Variants in USP9Y observed in about 807,000 individuals in gnomAD.
USP9Y encodes ubiquitin carboxyl-terminal hydrolase 9Y.
USP9Y carries 41 observed loss-of-function variants against 53.1 expected under a neutral mutation model. That is an observed-to-expected ratio of 0.77 (90% confidence interval 0.60 to 1.00). The LOEUF (loss-of-function observed/expected upper bound fraction) is 1.00. USP9Y is among the 50% of genes least tolerant of loss of function. The pLI, the probability that USP9Y is intolerant of heterozygous loss-of-function variation, is 0.00. For missense variants in USP9Y, 567 were observed against 535.8 expected (o/e 1.06, Z -0.58); for synonymous variants, 220 against 173.7 (o/e 1.27, Z -2.09).
chrY:12,729,597 C>T (rs561352449), intron 7 of USP9Y, among the ~76,000 whole-genome samples: 2 of 32,188 alleles, frequency 6.2e-5, no homozygotes, highest in African/African-American at 2.4e-4. Flanking sequence ...TGTGGCACCA[C>T]GCCCAGCTAA....
In USP9Y at chrY:12,839,901, C is replaced by G; in HGVS notation, c.5375C>G (p.Pro1792Arg). Residue 1792 changes from proline (P) to arginine (R), a missense_variant, in exon 36 of 46, where the codon CCT becomes CGT. By Grantham distance (103) the Pro-to-Arg change is moderately radical. Coordinates refer to ENST00000338981, the MANE Select transcript of USP9Y (RefSeq NM_004654.4). ...AAGCGCCTGCTAATTAAAAAATTGCCTCGGGTTCTTGCTATCCAACTCAAA... is the reference window on the plus strand; with the variant it reads ...AAGCGCCTGCTAATTAAAAAATTGCGTCGGGTTCTTGCTATCCAACTCAAA... Reference protein sequence around the residue: ...TVKRLLIKKLPRVLAIQLKRF... With the variant: ...TVKRLLIKKLRRVLAIQLKRF... 2.5e-6 allele frequency: 1 copy of G among 398,049 alleles called. No individual in the cohort carries two copies. The highest frequency in any genetic ancestry group is 3.5e-6 in the Non-Finnish European group (1 of 283,182).
At position 12,779,648 on chromosome Y, in the gene USP9Y, T is replaced by A; in HGVS notation, c.3151+2T>A. ...TACTTATGAAACTTATGCCACCAGGTAAGAAAATGGTCCATCCCCCTATTC... is the reference window on the plus strand; with the variant it reads ...TACTTATGAAACTTATGCCACCAGGAAAGAAAATGGTCCATCCCCCTATTC... On this transcript the variant is annotated splice_donor_variant, in intron 22 of 45. Transcript: ENST00000338981. LOFTEE classifies it high-confidence loss of function. 1 of 397,253 alleles carries A rather than the reference T, an allele frequency of 2.5e-6. No individual in the cohort carries two copies.
chrY:12,857,524 T>G (rs780969107), intron 44 of USP9Y, 42 bp from the exon 45 acceptor site: 5 of 320,462 alleles, frequency 1.6e-5, no homozygotes, highest in Non-Finnish European at 1.8e-5. Context: ...TGAAGTTACT[T>G]TTATAATCTA....
At position 12,720,696 on chromosome Y, in the gene USP9Y, T is replaced by C. The variant is rs2053435087; in HGVS notation, c.204T>C (p.Phe68=). The C allele has an allele frequency of 2.5e-6, 1 of 396,600 alleles. No homozygotes were observed. The highest frequency in any genetic ancestry group is 6.4e-5 in the African/African-American group (1 of 15,589). The change falls in exon 4 of 46, where the codon TTT becomes TTC. Residue 68 remains phenylalanine (F), a synonymous_variant. Transcript: ENST00000338981. ...PPQHEDEEPA[F]PHTELANLDD... is the part of the protein sequence containing the mutation. ...AGCATGAAGATGAAGAGCCTGCATT[T>C]CCACATACTGAGCTGGCAAACCTGG...
intron 22 of USP9Y, 27 bp downstream of exon 22, chrY:12,779,673 C>T: frequency 2.6e-6 from 1 of 390,537 alleles, no homozygotes; most frequent in Non-Finnish European, 3.6e-6. Flanking sequence ...TCCCCCTATT[C>T]CACAGAAAGG....
intron 3 of USP9Y, among the ~76,000 whole-genome samples, chrY:12,712,135 G>C: frequency 6.0e-5 from 2 of 33,357 alleles, no homozygotes. Context: ...AGTGCACTTA[G>C]GAAGAAGGTA....
intron 12 of USP9Y, among the ~76,000 whole-genome samples, chrY:12,740,679 T>A: frequency 6.0e-5 from 2 of 33,343 alleles, no homozygotes; most frequent in African/African-American, 2.3e-4. Flanking sequence ...GAGATGACTA[T>A]ATGTTTTAAT....
At chrY:12,741,022 T>C in intron 12 of USP9Y, among the ~76,000 whole-genome samples, 1 of 32,179 alleles carries the variant, frequency 3.1e-5, no homozygotes, top group Non-Finnish European at 7.6e-5. Flanking sequence ...GAGACCACCT[T>C]GGACAACATG....
At chrY:12,789,371 C>A (rs2053505204) in intron 24 of USP9Y, among the ~76,000 whole-genome samples, 1 of 32,788 alleles carries the variant, frequency 3.0e-5, no homozygotes, top group African/African-American at 1.2e-4. Context: ...GTGGCTGATG[C>A]CTATAATCCC....
At chrY:12,777,812 C>G in intron 19 of USP9Y, among the ~76,000 whole-genome samples, 2 of 32,486 alleles carry the variant, frequency 6.2e-5, no homozygotes, top group Non-Finnish European at 1.5e-4. Context: ...TTGATTATTG[C>G]ATTTCCAAGA....
At chrY:12,809,017 A>T (rs2053527379) in intron 27 of USP9Y, among the ~76,000 whole-genome samples, 1 of 33,878 alleles carries the variant, frequency 3.0e-5, no homozygotes, top group Admixed American at 2.7e-4. Flanking sequence ...GCATAAGCCT[A>T]CTTAGCTTGT....
At chrY:12,755,297 T>C (rs2053467399) in intron 12 of USP9Y, among the ~76,000 whole-genome samples, 1 of 30,637 alleles carries the variant, frequency 3.3e-5, no homozygotes, top group South Asian at 7.8e-4. Flanking sequence ...ACGAAGCAGC[T>C]GGGATTACAG....
chrY:12,855,538 A>G (rs2053575255), intron 42 of USP9Y, among the ~76,000 whole-genome samples: 1 of 33,527 alleles, frequency 3.0e-5, no homozygotes, highest in Non-Finnish European at 7.4e-5. Context: ...TAAATTGACT[A>G]TTAAGGAGAA....
In USP9Y at chrY:12,857,641, C is replaced by T. The variant is rs759247089; in HGVS notation, c.7510C>T (p.Pro2504Ser). The change falls in exon 45 of 46, where the codon CCT becomes TCT. Residue 2504 changes from proline (P) to serine (S), a missense_variant. Coordinates refer to ENST00000338981, the MANE Select transcript of USP9Y (RefSeq NM_004654.4). ...SEDAPLYPHS[P>S]ASQYQQNNHV... ...AGATGCCCCATTATATCCTCATTCA[C>T]CTGCCTCTCAGTATCAACAGGTAAA... is the stretch of plus-strand genomic sequence containing the variant. 7.8e-6 allele frequency: 3 copies of T among 383,064 alleles called. No homozygotes were observed. The highest frequency in any genetic ancestry group is 1.6e-4 in the Admixed American group (2 of 12,275).
intron 1 of USP9Y, among the ~76,000 whole-genome samples, chrY:12,703,920 TG>T (rs2053417961): frequency 3.0e-5 from 1 of 33,432 alleles, no homozygotes; most frequent in Non-Finnish European, 7.4e-5. Context: ...GTGATTGGTA[TG>T]TTTTTACAGA....
intron 33 of USP9Y, among the ~76,000 whole-genome samples, chrY:12,821,801 C>G (rs2053541948): frequency 9.4e-5 from 3 of 32,082 alleles, no homozygotes; most frequent in African/African-American, 3.7e-4. Context: ...AGTGCTCCAT[C>G]AGCACTCCAC....
chrY:12,764,707 G>A (rs780928962), intron 15 of USP9Y, among the ~76,000 whole-genome samples: 9 of 33,543 alleles, frequency 2.7e-4, no homozygotes, highest in South Asian at 1.3e-3. Flanking sequence ...GTAAAAGAAA[G>A]CTACTTGTAG....
intron 11 of USP9Y, 78 bp from the exon 12 acceptor site, chrY:12,739,447 A>G: frequency 5.2e-6 from 1 of 193,709 alleles, no homozygotes; most frequent in Non-Finnish European, 8.8e-6. Flanking sequence ...TAGTAGAACT[A>G]TTTTTTTGTT....
chrY:12,856,815 T>C lies in USP9Y; in HGVS notation c.7404T>C (p.Leu2468=). Residue 2468 remains leucine, a synonymous_variant, in exon 44 of 46, where the codon CTT becomes CTC. Transcript: ENST00000338981. ...LERSHSARMT[L]AKACELCPEE... is the part of the protein sequence containing the mutation. ...GATCACATAGTGCTAGGATGACACT[T>C]GCAAAAGCTTGTGAACTCTGTCCAG... 2.5e-6 allele frequency: 1 copy of C among 394,954 alleles called. No homozygotes were observed. The highest frequency in any genetic ancestry group is 3.5e-6 in the Non-Finnish European group (1 of 281,700).
Sources: allele counts gnomAD v4.1 joint callset (sites outside exome capture counted in the v4.1 genomes callset), GRCh38; gene constraint gnomAD v4.1.1; transcripts MANE v1.5; gene names NCBI Gene and HGNC (gene_info 2026-07-23, HGNC 2026-07-21).